GRM3: variants seen among roughly 807,000 people sequenced by gnomAD.
GRM3 encodes metabotropic glutamate receptor 3.
A neutral mutation model predicts 70.5 loss-of-function variants in GRM3; 26 were observed. The ratio of observed to expected loss-of-function variants is 0.37; its 90% CI spans 0.27 to 0.51. The LOEUF is 0.51. Ranked by LOEUF, GRM3 falls within the 20% of genes least tolerant of loss-of-function variation. The pLI, the probability that GRM3 is intolerant of heterozygous loss-of-function variation, is 0.93. For missense variants in GRM3, 859 were observed against 1,123.8 expected (o/e 0.76, Z 3.37); for synonymous variants, 443 against 434.9 (o/e 1.02, Z -0.23).
intron 1 of GRM3, among the ~76,000 whole-genome samples, chr7:86,708,910 G>T (rs1339226361): frequency 6.6e-6 from 1 of 150,888 alleles, no homozygotes; most frequent in African/African-American, 2.4e-5. Context: ...TTCACAATCA[G>T]CTAAGTAGCT....
intron 2 of GRM3, among the ~76,000 whole-genome samples, chr7:86,780,324 C>A (rs924886733): frequency 3.9e-5 from 6 of 152,142 alleles, no homozygotes; most frequent in Non-Finnish European, 8.8e-5. Flanking sequence ...TGCAAATGTA[C>A]CCTAAAACTT....
chr7:86,829,922 CAAAA>C (rs1197125335), intron 3 of GRM3, among the ~76,000 whole-genome samples: 2 of 151,674 alleles, frequency 1.3e-5, no homozygotes, highest in Non-Finnish European at 2.9e-5. Flanking sequence ...TAAAACAAAA[CAAAA>C]AAGGAATATC....
chr7:86,774,518 C>G (rs188473166), intron 2 of GRM3, among the ~76,000 whole-genome samples: 1 of 152,074 alleles, frequency 6.6e-6, no homozygotes, highest in South Asian at 2.1e-4. Flanking sequence ...CTTGCCAACA[C>G]TTTGGCTTCA....
At chr7:86,746,341 T>TTATATATATATATATATATATATA (rs59930404) in intron 1 of GRM3, among the ~76,000 whole-genome samples, 5 of 87,484 alleles carry the variant, frequency 5.7e-5, no homozygotes, top group African/African-American at 1.2e-4. Flanking sequence ...CAGTCATGTA[T>TTATATATATATATATATATATATA]TATATATATA....
At position 86,839,332 on chromosome 7, in the gene GRM3, G is replaced by T. The variant is rs2116736613; in HGVS notation, c.1818G>T (p.Leu606Phe). Reference sequence around the variant, plus strand: ...TTATCAAGCACAACAACACACCCTTGGTCAAAGCATCGGGCCGAGAACTCT... The same window carrying T: ...TTATCAAGCACAACAACACACCCTTTGTCAAAGCATCGGGCCGAGAACTCT... ...TVFIKHNNTP[L>F]VKASGRELCY... Residue 606 changes from leucine (L) to phenylalanine (F), a missense_variant, in exon 4 of 6, where the codon TTG (leucine) becomes TTT (phenylalanine). By Grantham distance (22) the Leu-to-Phe change is conservative. Transcript: ENST00000361669. This position sits in a 1 kb window ranked among gnomAD's most constrained non-coding sequence, Gnocchi z 4.5. 6.2e-7 allele frequency: 1 copy of T among 1,613,950 alleles called. No individual in the cohort carries two copies. Among genetic ancestry groups the T allele is most frequent in the Non-Finnish European group, 8.5e-7 (1 of 1,179,910 alleles).
intron 5 of GRM3, among the ~76,000 whole-genome samples, chr7:86,852,894 C>G (rs1401915399): frequency 6.6e-6 from 1 of 152,112 alleles, no homozygotes; most frequent in Non-Finnish European, 1.5e-5. Flanking sequence ...CAAGGATATA[C>G]AGTGATACAA....
chr7:86,836,027 C>T (rs1798449932), intron 3 of GRM3, among the ~76,000 whole-genome samples: 1 of 152,028 alleles, frequency 6.6e-6, no homozygotes, highest in Admixed American at 6.6e-5. Flanking sequence ...AAGATACAAC[C>T]AGACCCTCTA....
intron 1 of GRM3, among the ~76,000 whole-genome samples, chr7:86,697,879 T>C (rs1250587072): frequency 6.6e-6 from 1 of 152,156 alleles, no homozygotes; most frequent in Non-Finnish European, 1.5e-5. Context: ...AGCAAGGAAC[T>C]GACGTGCTGA....
At chr7:86,793,720 G>A (rs538822599) in intron 3 of GRM3, among the ~76,000 whole-genome samples, 1 of 152,180 alleles carries the variant, frequency 6.6e-6, no homozygotes, top group African/African-American at 2.4e-5. Flanking sequence ...GTCATGCTGT[G>A]GAGAACAGGA....
intron 1 of GRM3, among the ~76,000 whole-genome samples, chr7:86,692,162 A>G (rs1794710107): frequency 6.6e-6 from 1 of 152,210 alleles, no homozygotes; most frequent in African/African-American, 2.4e-5. Flanking sequence ...GTTCTAGTGT[A>G]ATAAAGGATG....
intron 1 of GRM3, among the ~76,000 whole-genome samples, chr7:86,686,975 A>G (rs1403590995): frequency 1.3e-5 from 2 of 152,070 alleles, no homozygotes; most frequent in Non-Finnish European, 2.9e-5. Flanking sequence ...AGAATTTAGT[A>G]GATGGGTTTA....
In GRM3 at chr7:86,850,612, C is replaced by T. The variant is rs55732942; in HGVS notation, c.2566+68C>T. On this transcript the variant is annotated intron_variant, in intron 5 of 5. Transcript: ENST00000361669. ...GTAGTCAGGACCAGCCTGCCAAGAA[C>T]AGGCAACACATGTCTGTCCCCATGA... The T allele has an allele frequency of 9.3e-3, 9,303 of 998,438 alleles. 50 individuals are homozygous for T. The highest frequency in any genetic ancestry group is 0.013 in the Non-Finnish European group (8,014 of 625,624). The allele number at this position is 998,438 out of a possible 1,614,324, so 61.8% of individuals were successfully genotyped here. A position where few individuals can be genotyped will look rare whatever the true frequency, so the allele number is the denominator to read the frequency against.
chr7:86,686,649 A>T (rs1039374070), intron 1 of GRM3, among the ~76,000 whole-genome samples: 4 of 152,198 alleles, frequency 2.6e-5, no homozygotes, highest in African/African-American at 7.2e-5. Flanking sequence ...AAAGATCAAG[A>T]TAAAGCATTA....
chr7:86,710,778 C>A (rs1795179640), intron 1 of GRM3, among the ~76,000 whole-genome samples: 1 of 151,926 alleles, frequency 6.6e-6, no homozygotes. Context: ...AAGTTTGGAC[C>A]TTACAACTAG....
At chr7:86,771,626 T>C (rs1796743883) in intron 2 of GRM3, among the ~76,000 whole-genome samples, 2 of 152,014 alleles carry the variant, frequency 1.3e-5, no homozygotes. Context: ...GAACATAAAA[T>C]ACAATTTTAA....
chr7:86,823,170 C>T (rs1798157615), intron 3 of GRM3, among the ~76,000 whole-genome samples: 1 of 152,192 alleles, frequency 6.6e-6, no homozygotes, highest in South Asian at 2.1e-4. Flanking sequence ...TCCTATTACA[C>T]AGCCCTGCCA....
intron 3 of GRM3, among the ~76,000 whole-genome samples, chr7:86,821,540 A>G (rs776070345): frequency 6.6e-6 from 1 of 152,196 alleles, no homozygotes; most frequent in Non-Finnish European, 1.5e-5. Flanking sequence ...CCTATGGGTA[A>G]ACAAGACGCG....
At chr7:86,840,152 C>G (rs544782768) in intron 4 of GRM3, among the ~76,000 whole-genome samples, 4 of 152,032 alleles carry the variant, frequency 2.6e-5, no homozygotes, top group Non-Finnish European at 4.4e-5. Context: ...GGTCATTTAC[C>G]CAATTTATAA....
At chr7:86,779,591 G>A (rs969367191) in intron 2 of GRM3, among the ~76,000 whole-genome samples, 6 of 152,190 alleles carry the variant, frequency 3.9e-5, no homozygotes, top group Non-Finnish European at 8.8e-5. Context: ...CTCCAGTGGA[G>A]AACTTAGTGA....
Sources: gnomAD v4.1 joint callset for allele counts (sites outside exome capture counted in the v4.1 genomes callset) on GRCh38, gnomAD v4.1.1 for gene constraint, Gnocchi (gnomAD v3.1) non-coding constraint, MANE v1.5 for transcripts, NCBI Gene and HGNC (gene_info 2026-07-23, HGNC 2026-07-21) for gene names.